The following TAF1B variants were observed in gnomAD, a reference collection of about 807,000 sequenced individuals.
The protein encoded by TAF1B is TATA-box binding protein associated factor, RNA polymerase I subunit B.
In TAF1B, 61 loss-of-function variants were observed where a neutral mutation model predicts 83.9. The ratio of observed to expected loss-of-function variants is 0.73; its 90% CI spans 0.59 to 0.90. TAF1B has a LOEUF of 0.90. TAF1B is among the 40% of genes least tolerant of loss of function. The pLI, the probability that TAF1B is intolerant of heterozygous loss-of-function variation, is 0.00. For missense variants in TAF1B, 625 were observed against 677.0 expected, an observed-to-expected ratio of 0.92 and a Z score of 0.85; for synonymous variants, 221 against 224.6, an observed-to-expected ratio of 0.98 and a Z score of 0.14.
chr2:9,857,596 C>G (rs1013156259), intron 5 of TAF1B, among the ~76,000 whole-genome samples: 12 of 152,112 alleles, frequency 7.9e-5, no homozygotes, highest in Admixed American at 7.2e-4. Context: ...AAAAATACTA[C>G]CTGAGACAGG....
intron 2 of TAF1B, among the ~76,000 whole-genome samples, chr2:9,847,311 C>T (rs1012070991): frequency 2.0e-5 from 3 of 152,170 alleles, no homozygotes; most frequent in Non-Finnish European, 4.4e-5. Context: ...AAAAAAGTTA[C>T]GTGTTGCACA....
chr2:9,886,792 C>T (rs1437349932), intron 8 of TAF1B, among the ~76,000 whole-genome samples: 3 of 152,182 alleles, frequency 2.0e-5, no homozygotes, highest in African/African-American at 4.8e-5. Flanking sequence ...GCCGGCCAGG[C>T]GCAGTGGCTT....
rs1026757833 is a variant in TAF1B at position 9,882,791 on chromosome 2, A to C, written c.793A>C (p.Ile265Leu). Reference sequence around the variant, plus strand: ...GAAATTATATGGACGTGACAGAGGAATCTTTGGTATAGAGGTAAGTTATTT... The same window carrying C: ...GAAATTATATGGACGTGACAGAGGACTCTTTGGTATAGAGGTAAGTTATTT... ...QMKLYGRDRG[I>L]FGIESWPDYE... Residue 265 changes from isoleucine to leucine, a missense_variant, in exon 8 of 15, where the codon ATC (isoleucine) becomes CTC (leucine). Physicochemically the swap from Ile to Leu is conservative, Grantham distance 5. Coordinates refer to ENST00000263663, the MANE Select transcript of TAF1B (RefSeq NM_005680.3). 6.2e-7 allele frequency: 1 copy of C among 1,609,796 alleles called. No homozygotes were observed. Among genetic ancestry groups the C allele is most frequent in the Non-Finnish European group, 8.5e-7 (1 of 1,177,852 alleles).
intron 8 of TAF1B, among the ~76,000 whole-genome samples, chr2:9,893,356 AG>A (rs1664927859): frequency 6.6e-6 from 1 of 152,226 alleles, no homozygotes; most frequent in African/African-American, 2.4e-5. Context: ...CAAGGTAGCT[AG>A]GTAATGAAAA....
intron 2 of TAF1B, chr2:9,845,567 G>T: frequency 2.7e-6 from 1 of 366,670 alleles, no homozygotes; most frequent in Non-Finnish European, 5.1e-6. Context: ...GTATGTGGTT[G>T]AGGGAAATAA....
chr2:9,847,985 C>T (rs1663261468), intron 2 of TAF1B, among the ~76,000 whole-genome samples: 1 of 152,016 alleles, frequency 6.6e-6, no homozygotes, highest in South Asian at 2.1e-4. Context: ...TCCATAATGG[C>T]CATTTGGTAA....
intron 8 of TAF1B, among the ~76,000 whole-genome samples, chr2:9,892,153 GATAC>G (rs1664889763): frequency 6.6e-6 from 1 of 152,128 alleles, no homozygotes; most frequent in South Asian, 2.1e-4. Context: ...TCTATGTGTA[GATAC>G]ATAAATACTT....
chr2:9,863,457 G>A (rs914746919), intron 5 of TAF1B, among the ~76,000 whole-genome samples: 3 of 152,142 alleles, frequency 2.0e-5, no homozygotes. Context: ...CAAGTCCTTA[G>A]TTATCCACAA....
chr2:9,873,646 T>C (rs1047130415), intron 6 of TAF1B, among the ~76,000 whole-genome samples: 1 of 147,058 alleles, frequency 6.8e-6, no homozygotes, highest in African/African-American at 2.5e-5. Flanking sequence ...TTTTTGGCCA[T>C]CTTCCTTGTC....
At chr2:9,852,141 G>T (rs1449574282) in intron 4 of TAF1B, 3 of 414,380 alleles carry the variant, frequency 7.2e-6, no homozygotes, top group Non-Finnish European at 1.5e-5. Flanking sequence ...ACCAATCACT[G>T]GACCTTAATC....
rs1363043519 is a variant in TAF1B, at chr2:9,885,072, A to AT, written c.807+2268dup. ...GTATAGTGTAACAAATTCTTAGTAT[A>AT]TCTTCGTAGAACCTATTTAAGTGTT... On this transcript the variant is annotated intron_variant, in intron 8 of 14. Transcript: ENST00000263663. 2.0e-5 allele frequency among the ~76,000 whole-genome samples: 3 copies of AT among 152,354 alleles called. No homozygotes were observed. In the East Asian group the frequency reaches 5.8e-4, roughly 29 times the overall value.
rs774787506 is a variant in TAF1B at position 9,910,757 on chromosome 2, G to A, written c.977G>A (p.Cys326Tyr). The A allele has an allele frequency of 1.2e-6, 2 of 1,611,240 alleles. No homozygotes were observed. Among genetic ancestry groups the A allele is most frequent in the South Asian group, 1.1e-5 (1 of 90,682 alleles). Residue 326 changes from cysteine (C) to tyrosine (Y), a missense_variant, in exon 10 of 15, where the codon TGC (cysteine) becomes TAC (tyrosine). By Grantham distance (194) the Cys-to-Tyr change is radical. Coordinates refer to ENST00000263663, the MANE Select transcript of TAF1B (RefSeq NM_005680.3). ...TCAGATGAAATGCATAGCTTAACTT[G>A]CCACGTGGTAAAAATGACTGGAATG... ...NLPDEMHSLT[C>Y]HVVKMTGMGE... is the part of the protein sequence containing the mutation.
chr2:9,891,380 G>C lies in TAF1B; in HGVS notation c.807+8575G>C, dbSNP rs377710393. 5.9e-5 allele frequency among the ~76,000 whole-genome samples: 9 copies of C among 152,174 alleles called. No homozygotes were observed. In the South Asian group the frequency reaches 1.9e-3, roughly 32 times the overall value. ...TTTTATTCTCCACCTTTATTTCCCTGTAAGGTGTAAGAATTTTTTTGGTAT... is the reference window on the plus strand; with the variant it reads ...TTTTATTCTCCACCTTTATTTCCCTCTAAGGTGTAAGAATTTTTTTGGTAT... On this transcript the variant is annotated intron_variant, in intron 8 of 14. Transcript: ENST00000263663.
intron 5 of TAF1B, among the ~76,000 whole-genome samples, chr2:9,859,760 C>T (rs1301506838): frequency 6.6e-6 from 1 of 152,194 alleles, no homozygotes; most frequent in Non-Finnish European, 1.5e-5. Context: ...TTCCTGTCTT[C>T]TTCTGAGCCC....
intron 14 of TAF1B, among the ~76,000 whole-genome samples, chr2:9,927,403 G>A (rs4668655): frequency 0.51 from 77,630 of 152,076 alleles, 22,894 homozygotes; most frequent in Non-Finnish European, 0.68. Flanking sequence ...GGATCACTGG[G>A]TCAAACTGTA....
chr2:9,916,243 T>C (rs962446317), intron 12 of TAF1B, among the ~76,000 whole-genome samples: 4 of 152,300 alleles, frequency 2.6e-5, no homozygotes, highest in African/African-American at 9.6e-5. Context: ...TGAGGAAACA[T>C]ATGCAGACAG....
chr2:9,868,288 A>C lies in TAF1B; in HGVS notation c.412A>C (p.Asn138His). Reference protein sequence around the residue: ...TGRKPTVLEDNLSHSDWASEP... With the variant: ...TGRKPTVLEDHLSHSDWASEP... ...GTTTTGCAAACAGGTATTAGAAGAT[A>C]ATCTAAGTCATTCAGACTGGGCTAG... Residue 138 changes from asparagine to histidine, a missense_variant, in exon 6 of 15, where the codon AAT becomes CAT. By Grantham distance (68) the Asn-to-His change is moderately conservative. Coordinates refer to ENST00000263663, the MANE Select transcript of TAF1B (RefSeq NM_005680.3). The C allele has an allele frequency of 1.9e-6, 3 of 1,614,072 alleles. No individual in the cohort carries two copies. The highest frequency in any genetic ancestry group is 2.5e-6 in the Non-Finnish European group (3 of 1,180,000).
intron 12 of TAF1B, among the ~76,000 whole-genome samples, chr2:9,918,207 A>G (rs1665747668): frequency 6.6e-6 from 1 of 152,254 alleles, no homozygotes; most frequent in African/African-American, 2.4e-5. Context: ...ATAAGTTATG[A>G]AAGTTCTCTG....
At chr2:9,887,545 T>A (rs1664718081) in intron 8 of TAF1B, among the ~76,000 whole-genome samples, 1 of 19,888 alleles carries the variant, frequency 5.0e-5, no homozygotes, top group African/African-American at 5.9e-5. Context: ...ATATAGCCAC[T>A]CCAAGTTTTT....
Sources: gnomAD v4.1 joint callset for allele counts (sites outside exome capture counted in the v4.1 genomes callset) on GRCh38, gnomAD v4.1.1 for gene constraint, MANE v1.5 for transcripts, NCBI Gene and HGNC (gene_info 2026-07-23, HGNC 2026-07-21) for gene names.